The following RBFOX1 variants were observed in gnomAD, a reference collection of about 807,000 sequenced individuals.
RBFOX1 encodes RNA binding protein fox-1 homolog 1.
RBFOX1 carries 8 observed loss-of-function variants against 57.7 expected under a neutral mutation model. The observed-to-expected ratio is 0.14, with a 90% CI of 0.08 to 0.25. RBFOX1 has a LOEUF of 0.25. RBFOX1 is among the 10% of genes least tolerant of loss of function. The pLI is 1.00. For missense variants in RBFOX1, 611 were observed against 548.5 expected (o/e 1.11, Z -1.14); for synonymous variants, 326 against 222.4 (o/e 1.47, Z -4.15).
chr16:6,358,234 A>C (rs1477207994), intron 2 of RBFOX1, among the ~76,000 whole-genome samples: 1 of 152,202 alleles, frequency 6.6e-6, no homozygotes, highest in Non-Finnish European at 1.5e-5. Context: ...TAAATGTATC[A>C]ACCCATACAA....
intron 4 of RBFOX1, among the ~76,000 whole-genome samples, chr16:7,193,363 A>G (rs2085895142): frequency 6.6e-6 from 1 of 152,224 alleles, no homozygotes; most frequent in Non-Finnish European, 1.5e-5. Flanking sequence ...AGAAAAGAAC[A>G]TGCCCCACAA....
At chr16:7,317,364 G>T (rs1003458886) in intron 4 of RBFOX1, among the ~76,000 whole-genome samples, 2 of 152,140 alleles carry the variant, frequency 1.3e-5, no homozygotes, top group African/African-American at 2.4e-5. Flanking sequence ...TGACAGGCCA[G>T]TCTCAGCATA....
chr16:5,604,966 A>T (rs1001408185), downstream of RBFOX1, among the ~76,000 whole-genome samples: 1 of 152,162 alleles, frequency 6.6e-6, no homozygotes, highest in Non-Finnish European at 1.5e-5. Flanking sequence ...AGCAAAAGTG[A>T]TCTGTGTTGT....
intron 1 of RBFOX1, among the ~76,000 whole-genome samples, chr16:5,350,806 A>G (rs1055475332): frequency 6.6e-6 from 1 of 152,224 alleles, no homozygotes; most frequent in Non-Finnish European, 1.5e-5. Flanking sequence ...CGGAGGTTGC[A>G]GTGAGCCGAT....
At chr16:6,313,485 C>T (rs975959886) in intron 1 of RBFOX1, among the ~76,000 whole-genome samples, 7 of 152,086 alleles carry the variant, frequency 4.6e-5, no homozygotes, top group African/African-American at 1.7e-4. Context: ...AGTAGCCAGC[C>T]CTGTTTAGAG....
intron 1 of RBFOX1, among the ~76,000 whole-genome samples, chr16:6,285,547 C>T (rs1035784378): frequency 1.5e-4 from 23 of 152,288 alleles, no homozygotes; most frequent in African/African-American, 5.5e-4. Context: ...CAAGGAGAGA[C>T]GTGGCTGTTT....
chr16:6,883,134 A>G (rs1244446620), intron 3 of RBFOX1, among the ~76,000 whole-genome samples: 1 of 152,200 alleles, frequency 6.6e-6, no homozygotes, highest in South Asian at 2.1e-4. Context: ...GCAGATCATT[A>G]AGGCAGAGGT....
intron 10 of RBFOX1, among the ~76,000 whole-genome samples, chr16:7,622,299 C>T (rs985219337): frequency 9.9e-5 from 15 of 152,212 alleles, no homozygotes; most frequent in Non-Finnish European, 1.9e-4. Context: ...AGTGTCTGTC[C>T]TACAGGGTCA....
At chr16:5,603,563 G>A (rs1170139237), downstream of RBFOX1, among the ~76,000 whole-genome samples, 1 of 152,124 alleles carries the variant, frequency 6.6e-6, no homozygotes, top group East Asian at 1.9e-4. Context: ...AATTACACCT[G>A]GTCAATTACT....
At chr16:6,913,691 C>T (rs577616431) in intron 3 of RBFOX1, among the ~76,000 whole-genome samples, 1 of 152,172 alleles carries the variant, frequency 6.6e-6, no homozygotes, top group African/African-American at 2.4e-5. Flanking sequence ...GGCTCCTTGC[C>T]TAGCTGGGCC....
chr16:7,350,519 T>G (rs1468091941), intron 4 of RBFOX1, among the ~76,000 whole-genome samples: 1 of 152,166 alleles, frequency 6.6e-6, no homozygotes, highest in African/African-American at 2.4e-5. Flanking sequence ...AGGAGAACAC[T>G]ATGATCTGAT....
intron 1 of RBFOX1, among the ~76,000 whole-genome samples, chr16:6,315,555 GGATGGATGGATGGATGGATGGATA>G (rs1175690037): frequency 4.6e-3 from 336 of 72,796 alleles, no homozygotes; most frequent in Middle Eastern, 0.01. Context: ...ATGGATGGAT[GGATGGATGGATGGATGGATGGATA>G]GATGGATGGA....
intron 3 of RBFOX1, among the ~76,000 whole-genome samples, chr16:7,014,612 T>C (rs919426292): frequency 5.9e-5 from 9 of 152,104 alleles, no homozygotes; most frequent in African/African-American, 1.9e-4. Context: ...TTTGCAAAAA[T>C]ACATTTAAAA....
intron 3 of RBFOX1, among the ~76,000 whole-genome samples, chr16:7,032,715 A>T (rs2043133828): frequency 6.6e-6 from 1 of 151,890 alleles, no homozygotes; most frequent in South Asian, 2.1e-4. Context: ...AGGTAGTTTT[A>T]TCCTCGAATT....
chr16:7,303,534 C>G (rs1222797207), intron 4 of RBFOX1, among the ~76,000 whole-genome samples: 1 of 151,696 alleles, frequency 6.6e-6, no homozygotes, highest in Non-Finnish European at 1.5e-5. Flanking sequence ...TTTAGCAGAC[C>G]GAATTTAAAT....
At chr16:6,088,404 A>C (rs2152524813) in intron 1 of RBFOX1, among the ~76,000 whole-genome samples, 1 of 152,312 alleles carries the variant, frequency 6.6e-6, no homozygotes, top group East Asian at 1.9e-4. Context: ...GTCTATTATT[A>C]GGTGAAATTT....
intron 2 of RBFOX1, among the ~76,000 whole-genome samples, chr16:5,589,237 A>C (rs1285499286): frequency 6.6e-6 from 1 of 152,160 alleles, no homozygotes; most frequent in African/African-American, 2.4e-5. Context: ...TGGAGGGAAC[A>C]TGAGTGTACC....
chr16:6,705,704 G>A (rs926222465), intron 3 of RBFOX1: 2 of 152,138 alleles, frequency 1.3e-5, no homozygotes, highest in Non-Finnish European at 2.9e-5. Context: ...TCTTATAAAT[G>A]AGAAATAAAG....
intron 2 of RBFOX1, among the ~76,000 whole-genome samples, chr16:6,379,533 G>A (rs539333924): frequency 2.0e-5 from 3 of 152,228 alleles, no homozygotes; most frequent in Admixed American, 1.3e-4. Context: ...AACTGAGTAT[G>A]AGCAGAAGGG....
Sources: allele counts gnomAD v4.1 joint callset (sites outside exome capture counted in the v4.1 genomes callset), GRCh38; gene constraint gnomAD v4.1.1; transcripts MANE v1.5; gene names NCBI Gene and HGNC (gene_info 2026-07-23, HGNC 2026-07-21).